OR2T11: variants seen among roughly 807,000 people sequenced by gnomAD.
The protein encoded by OR2T11 is olfactory receptor 2T11.
Under a neutral mutation model 13.5 loss-of-function variants are expected in OR2T11, and 14 were observed. That is an observed-to-expected ratio of 1.04 (90% CI 0.69 to 1.62). The LOEUF is 1.62. Among genes scored for constraint, OR2T11 ranks in the 40% most tolerant of loss-of-function variants. OR2T11 has a pLI of 0.00. For synonymous variants in OR2T11, 163 were observed against 154.6 expected, an observed-to-expected ratio of 1.05 and a Z score of -0.40; for missense variants, 410 against 389.7, an observed-to-expected ratio of 1.05 and a Z score of -0.44.
At position 248,634,672 on chromosome 1, in the gene OR2T11, C is replaced by G. The variant is rs1353081236; in HGVS notation, c.-145+366G>C. ...TATGTATGGAACTTCTTTGTAGAGT[C>G]AGGACCTGACGTTTCAGTCATTTTG... On this transcript the variant is annotated intron_variant, in intron 1 of 1. Transcript: ENST00000641193. 2.7e-4 allele frequency among the ~76,000 whole-genome samples: 38 copies of G among 138,334 alleles called. 4 individuals carry two copies. The highest frequency in any genetic ancestry group is 9.2e-4 in the Admixed American group (13 of 14,176). 90.8% of individuals were successfully genotyped at this position (138,334 alleles called of 152,430 possible).
chr1:248,626,606 A>T lies in OR2T11; in HGVS notation c.523T>A (p.Phe175Ile), dbSNP rs1558172056. 7 of 1,573,546 alleles carry T rather than the reference A, an allele frequency of 4.4e-6. No individual in the cohort carries two copies. The highest frequency in any genetic ancestry group is 5.2e-6 in the Non-Finnish European group (6 of 1,156,944). ...YCGSRSINHF[F>I]CEIPAVLKLA... is the part of the protein sequence containing the mutation. Reference sequence around the variant, plus strand: ...TTCAGAACTGCTGGGATCTCACAGAAAAAATGGTTGATACTTCGGGAGCCA... The same window carrying T: ...TTCAGAACTGCTGGGATCTCACAGATAAAATGGTTGATACTTCGGGAGCCA... The change falls in exon 2 of 2, where the codon TTC becomes ATC. Residue 175 changes from phenylalanine (F) to isoleucine (I), a missense_variant. Transcript: ENST00000641193.
At chr1:248,628,363 C>T (rs1333389329) in intron 1 of OR2T11, among the ~76,000 whole-genome samples, 1 of 140,834 alleles carries the variant, frequency 7.1e-6, no homozygotes, top group African/African-American at 2.8e-5. Context: ...GCCTCAGTGG[C>T]TTGAGTCTCA....
At chr1:248,634,337 C>G (rs1420352820) in intron 1 of OR2T11, among the ~76,000 whole-genome samples, 2 of 13,204 alleles carry the variant, frequency 1.5e-4, no homozygotes, top group Non-Finnish European at 1.8e-3. Flanking sequence ...GTTGAAGCTA[C>G]AGGTATTTAT....
Position 248,625,985 on chromosome 1 carries a change from A to T in OR2T11, c.*193T>A. Reference sequence around the variant, plus strand: ...TTAACTTCATAATAAACCATTTTTGATACTTCACTGAAAGATCTCTGCATA... The same window carrying T: ...TTAACTTCATAATAAACCATTTTTGTTACTTCACTGAAAGATCTCTGCATA... On this transcript the variant is annotated 3_prime_UTR_variant, in exon 2 of 2. Coordinates refer to ENST00000641193, the MANE Select transcript of OR2T11 (RefSeq NM_001001964.2). The T allele has an allele frequency of 2.3e-6, 1 of 439,440 alleles. No individual in the cohort carries two copies. Among genetic ancestry groups the T allele is most frequent in the Non-Finnish European group, 4.0e-6 (1 of 250,412 alleles). The allele number at this position is 439,440 out of a possible 1,614,324, so 27.2% of individuals were successfully genotyped here.
At position 248,624,949 on chromosome 1, in the gene OR2T11, C is replaced by T. The variant is rs1660493392; in HGVS notation, c.*1229G>A. The T allele has an allele frequency of 7.0e-6, 1 of 143,762 alleles. No individual in the cohort carries two copies. The highest frequency in any genetic ancestry group is 1.5e-5 in the Non-Finnish European group (1 of 66,358). The allele number at this position is 143,762 out of a possible 1,614,324, so 8.9% of individuals were successfully genotyped here. A position where few individuals can be genotyped will look rare whatever the true frequency, so the allele number is the denominator to read the frequency against. ...GCTATGTTGGCAGGCTGGTCTCAAA[C>T]TCCTGAGCTCAAGCAATCCACCCTC... On this transcript the variant is annotated 3_prime_UTR_variant, in exon 2 of 2. Coordinates refer to ENST00000641193, the MANE Select transcript of OR2T11 (RefSeq NM_001001964.2).
In OR2T11 at chr1:248,626,331, C is replaced by T; in HGVS notation, c.798G>A (p.Glu266=). 2 of 1,573,190 alleles carry T rather than the reference C, an allele frequency of 1.3e-6. No homozygotes were observed. The highest frequency in any genetic ancestry group is 1.7e-6 in the Non-Finnish European group (2 of 1,156,410). ...AGAAGGCTGACACTACTTTGTCCTGCTCGGGGGTGTGGAAGGACTGGGGCA... is the reference window on the plus strand; with the variant it reads ...AGAAGGCTGACACTACTTTGTCCTGTTCGGGGGTGTGGAAGGACTGGGGCA... ...YVLPQSFHTP[E]QDKVVSAFYT... The change falls in exon 2 of 2, where the codon GAG becomes GAA. Residue 266 remains glutamate, a synonymous_variant. Transcript: ENST00000641193.
At position 248,624,766 on chromosome 1, in the gene OR2T11, C is replaced by G. The variant is rs1197386809; in HGVS notation, c.*1412G>C. ...TTTATCTTGAGACAAGGCCTCTCTG[C>G]CAGTCAGGCTGGAGCACAGTGGTGC... On this transcript the variant is annotated 3_prime_UTR_variant, in exon 2 of 2. Transcript: ENST00000641193. The G allele has an allele frequency of 6.9e-6, 1 of 144,314 alleles. No individual in the cohort carries two copies. Among genetic ancestry groups the G allele is most frequent in the Non-Finnish European group, 1.5e-5 (1 of 66,502 alleles). The allele number at this position is 144,314 out of a possible 1,614,324, so 8.9% of individuals were successfully genotyped here.
At position 248,625,959 on chromosome 1, in the gene OR2T11, T is replaced by C. The variant is rs1265184759; in HGVS notation, c.*219A>G. Reference sequence around the variant, plus strand: ...CTAAATAAAAAGACTAGATAAATTATTTAACTTCATAATAAACCATTTTTG... The same window carrying C: ...CTAAATAAAAAGACTAGATAAATTACTTAACTTCATAATAAACCATTTTTG... On this transcript the variant is annotated 3_prime_UTR_variant, in exon 2 of 2. Coordinates refer to ENST00000641193, the MANE Select transcript of OR2T11 (RefSeq NM_001001964.2). 2 of 378,302 alleles carry C rather than the reference T, an allele frequency of 5.3e-6. No homozygotes were observed. Among genetic ancestry groups the C allele is most frequent in the African/African-American group, 2.3e-5 (1 of 42,890 alleles). 23.4% of individuals were successfully genotyped at this position (378,302 alleles called of 1,614,324 possible). A position where few individuals can be genotyped will look rare whatever the true frequency, so the allele number is the denominator to read the frequency against.
In OR2T11 at chr1:248,626,130, C is replaced by T; in HGVS notation, c.*48G>A. 9.5e-7 allele frequency: 1 copy of T among 1,047,868 alleles called. No individual in the cohort carries two copies. The highest frequency in any genetic ancestry group is 1.4e-6 in the Non-Finnish European group (1 of 695,700). 64.9% of individuals were successfully genotyped at this position (1,047,868 alleles called of 1,614,324 possible). A position where few individuals can be genotyped will look rare whatever the true frequency, so the allele number is the denominator to read the frequency against. On this transcript the variant is annotated 3_prime_UTR_variant, in exon 2 of 2. Coordinates refer to ENST00000641193, the MANE Select transcript of OR2T11 (RefSeq NM_001001964.2). Reference sequence around the variant, plus strand: ...GCAGATCATCTCCAGGGAAACAGGGCAAATGGAGGAAGTCCTTAGGAAGCC... The same window carrying T: ...GCAGATCATCTCCAGGGAAACAGGGTAAATGGAGGAAGTCCTTAGGAAGCC...
At position 248,627,137 on chromosome 1, in the gene OR2T11, C is replaced by G. The variant is rs1222150360; in HGVS notation, c.-9G>C. On this transcript the variant is annotated 5_prime_UTR_variant, in exon 2 of 2. Coordinates refer to ENST00000641193, the MANE Select transcript of OR2T11 (RefSeq NM_001001964.2). ...GATGATGTGTTCGTCATTGATATGG[C>G]CCACGAGCGTCCCAGGGCAACGGGA... 6.9e-7 allele frequency: 1 copy of G among 1,450,742 alleles called. No individual in the cohort carries two copies. Among genetic ancestry groups the G allele is most frequent in the Non-Finnish European group, 9.5e-7 (1 of 1,052,592 alleles). 89.9% of individuals were successfully genotyped at this position (1,450,742 alleles called of 1,614,324 possible). A position where few individuals can be genotyped will look rare whatever the true frequency, so the allele number is the denominator to read the frequency against.
chr1:248,630,957 T>C (rs978849141), intron 1 of OR2T11, among the ~76,000 whole-genome samples: 1 of 142,928 alleles, frequency 7.0e-6, no homozygotes, highest in Non-Finnish European at 1.5e-5. Context: ...AGAGACGTGA[T>C]ATGAAAACAG....
rs1305492268 is a variant in OR2T11 at position 248,626,164 on chromosome 1, T to C, written c.*14A>G. 7.3e-7 allele frequency: 1 copy of C among 1,369,794 alleles called. No homozygotes were observed. The highest frequency in any genetic ancestry group is 1.0e-6 in the Non-Finnish European group (1 of 975,902). 84.9% of individuals were successfully genotyped at this position (1,369,794 alleles called of 1,614,324 possible). A position where few individuals can be genotyped will look rare whatever the true frequency, so the allele number is the denominator to read the frequency against. Reference sequence around the variant, plus strand: ...GAAGTCCTTAGGAAGCCTTATCCTCTGGGCAGTGACTCTCTAAGCATCACT... The same window carrying C: ...GAAGTCCTTAGGAAGCCTTATCCTCCGGGCAGTGACTCTCTAAGCATCACT... On this transcript the variant is annotated 3_prime_UTR_variant, in exon 2 of 2. Transcript: ENST00000641193.
chr1:248,626,826 G>T lies in OR2T11; in HGVS notation c.303C>A (p.Tyr101Ter). The change falls in exon 2 of 2, where the codon TAC (tyrosine) becomes TAA (stop). Residue 101 changes from tyrosine (Y) to a stop codon, truncating the protein, a stop_gained. Transcript: ENST00000641193. LOFTEE classifies it high-confidence loss of function. The part of the protein sequence containing the change: ...FVACGIQIFL[Y>*]LTMIGSEFFL... The stretch of plus-strand genomic sequence containing the variant: ...AGAACTCAGAACCAATCATGGTCAG[G>T]TAGAGGAAGATCTGGATGCCACAGG... The T allele has an allele frequency of 6.4e-7, 1 of 1,572,004 alleles. No individual in the cohort carries two copies. Among genetic ancestry groups the T allele is most frequent in the African/African-American group, 1.5e-5 (1 of 66,732 alleles).
intron 1 of OR2T11, among the ~76,000 whole-genome samples, chr1:248,628,892 T>A (rs1174390367): frequency 1.4e-5 from 2 of 143,184 alleles, no homozygotes; most frequent in Non-Finnish European, 3.0e-5. Flanking sequence ...AGCCTCCTGA[T>A]CCACTCCTGA....
At chr1:248,627,920 T>A (rs1468780156) in intron 1 of OR2T11, among the ~76,000 whole-genome samples, 1 of 142,752 alleles carries the variant, frequency 7.0e-6, no homozygotes, top group Non-Finnish European at 1.5e-5. Context: ...TTTCTTCAGA[T>A]AAATTAGAAG....
rs1412578408 is a variant in OR2T11, at chr1:248,624,634, A to T, written c.*1544T>A. 1 of 144,284 alleles carries T rather than the reference A, an allele frequency of 6.9e-6. No homozygotes were observed. The highest frequency in any genetic ancestry group is 1.5e-5 in the Non-Finnish European group (1 of 66,456). The allele number at this position is 144,284 out of a possible 1,614,324, so 8.9% of individuals were successfully genotyped here. ...AAAACTCTCAAAAAACCTGTTTTTA[A>T]ATGCTCTTCGTACTCTGATTATTAA... On this transcript the variant is annotated 3_prime_UTR_variant, in exon 2 of 2. Coordinates refer to ENST00000641193, the MANE Select transcript of OR2T11 (RefSeq NM_001001964.2).
Position 248,631,727 on chromosome 1 carries a change from G to T in OR2T11, c.-145+3311C>A, listed in dbSNP as rs1347196363. Reference sequence around the variant, plus strand: ...TCAGTCATTACACACCTGCCTGCAGGTGTCTGGCTTTATACTGAGGTACAT... The same window carrying T: ...TCAGTCATTACACACCTGCCTGCAGTTGTCTGGCTTTATACTGAGGTACAT... On this transcript the variant is annotated intron_variant, in intron 1 of 1. Transcript: ENST00000641193. Among the ~76,000 whole-genome samples the T allele has an allele frequency of 1.4e-5, 2 of 143,002 alleles. 1 individual carries two copies. The highest frequency in any genetic ancestry group is 3.0e-5 in the Non-Finnish European group (2 of 66,258). 93.8% of individuals were successfully genotyped at this position (143,002 alleles called of 152,430 possible).
At position 248,625,679 on chromosome 1, in the gene OR2T11, T is replaced by C. The variant is rs1208108657; in HGVS notation, c.*499A>G. On this transcript the variant is annotated 3_prime_UTR_variant, in exon 2 of 2. Transcript: ENST00000641193. ...GAGGGTCAGAGATTCAACGATAATA[T>C]TAGAGCTTATAGTTACTTGGGGTTA... 6.8e-6 allele frequency: 1 copy of C among 147,754 alleles called. No individual in the cohort carries two copies. Among genetic ancestry groups the C allele is most frequent in the Non-Finnish European group, 1.5e-5 (1 of 68,892 alleles). 9.2% of individuals were successfully genotyped at this position (147,754 alleles called of 1,614,324 possible). A position where few individuals can be genotyped will look rare whatever the true frequency, so the allele number is the denominator to read the frequency against.
At position 248,633,282 on chromosome 1, in the gene OR2T11, A is replaced by AT. The variant is rs1261631784; in HGVS notation, c.-145+1755dup. ...CTGGAATGTGAGGTGATCTATGTTC[A>AT]TCTTCATCCTATAGCAGGTTCATTG... On this transcript the variant is annotated intron_variant, in intron 1 of 1. Coordinates refer to ENST00000641193, the MANE Select transcript of OR2T11 (RefSeq NM_001001964.2). 5.0e-5 allele frequency among the ~76,000 whole-genome samples: 7 copies of AT among 141,322 alleles called. No homozygotes were observed. The East Asian group carries it at 1.0e-3, about 21-fold the overall frequency. 92.7% of individuals were successfully genotyped at this position (141,322 alleles called of 152,430 possible). A position where few individuals can be genotyped will look rare whatever the true frequency, so the allele number is the denominator to read the frequency against.
Sources: gnomAD v4.1 joint callset for allele counts (sites outside exome capture counted in the v4.1 genomes callset) on GRCh38, gnomAD v4.1.1 for gene constraint, MANE v1.5 for transcripts, NCBI Gene and HGNC (gene_info 2026-07-23, HGNC 2026-07-21) for gene names.